The following ZNF585B variants were observed in gnomAD, a reference collection of about 807,000 sequenced individuals.
The protein encoded by ZNF585B is zinc finger protein 41-like protein.
ZNF585B carries 7 observed loss-of-function variants against 14.0 expected under a neutral mutation model. The observed-to-expected ratio is 0.50, with a 90% CI of 0.28 to 0.94. The LOEUF (loss-of-function observed/expected upper bound fraction) is 0.94. Among genes scored for constraint, ZNF585B ranks in the 40% least tolerant of loss-of-function variants. The pLI is 0.09. For synonymous variants in ZNF585B, 290 were observed against 317.3 expected (o/e 0.91, Z 0.91); for missense variants, 750 against 924.4 (o/e 0.81, Z 2.45).
At chr19:37,198,258 G>C (rs907814465) in intron 2 of ZNF585B, among the ~76,000 whole-genome samples, 1 of 151,908 alleles carries the variant, frequency 6.6e-6, no homozygotes, top group African/African-American at 2.4e-5. Context: ...TGCAACCTCC[G>C]CCTCCCGTGT....
rs1351118539 is a variant in ZNF585B at position 37,190,049 on chromosome 19, C to T, written c.174G>A (p.Glu58=). 6.2e-7 allele frequency: 1 copy of T among 1,614,126 alleles called. No homozygotes were observed. Among genetic ancestry groups the T allele is most frequent in the Admixed American group, 1.7e-5 (1 of 60,006 alleles). ...CTACTGAGAGCAGGTGGCTGTAGGT[C>T]TCCAGCATCACATCCCGGTACAGGT... ...QRNLYRDVML[E]TYSHLLSVGY... is the part of the protein sequence containing the mutation. Residue 58 remains glutamate, a synonymous_variant, in exon 3 of 5, where the codon GAG becomes GAA. Transcript: ENST00000532828.
chr19:37,199,442 T>C (rs1156582267), intron 2 of ZNF585B: 3 of 450,470 alleles, frequency 6.7e-6, no homozygotes, highest in Middle Eastern at 3.3e-4. Context: ...GGGGGATCGA[T>C]TGAACCTGGG....
chr19:37,204,597 CAA>C (rs1264333846), intron 2 of ZNF585B, among the ~76,000 whole-genome samples: 1 of 152,196 alleles, frequency 6.6e-6, no homozygotes, highest in African/African-American at 2.4e-5. Context: ...TCTTTTGAGA[CAA>C]AGTCTATCTC....
intron 2 of ZNF585B, among the ~76,000 whole-genome samples, chr19:37,203,698 G>A (rs555923457): frequency 1.5e-4 from 23 of 151,862 alleles, no homozygotes; most frequent in Non-Finnish European, 2.5e-4. Context: ...GTGTAATCTC[G>A]GCTCACCGAA....
At chr19:37,194,970 A>G (rs1313616316) in intron 2 of ZNF585B, among the ~76,000 whole-genome samples, 1 of 152,208 alleles carries the variant, frequency 6.6e-6, no homozygotes, top group Non-Finnish European at 1.5e-5. Context: ...CTTTCTGGAA[A>G]AGCAAAAACT....
Position 37,185,573 on chromosome 19 carries a change from G to C in ZNF585B, c.1964C>G (p.Thr655Ser), listed in dbSNP as rs775170036. The change falls in exon 5 of 5, where the codon ACT (threonine) becomes AGT (serine). Residue 655 changes from threonine to serine, a missense_variant. Physicochemically the swap from Thr to Ser is moderately conservative, Grantham distance 58 (BLOSUM62 1). Coordinates refer to ENST00000532828, the MANE Select transcript of ZNF585B (RefSeq NM_152279.4). ...GRSNLSKHQK[T>S]HTGEKPYICS... ...AATGTAGGGCTTTTCTCCGGTATGA[G>C]TTTTCTGGTGCTTACTGAGATTTGA... 1 of 1,611,222 alleles carries C rather than the reference G, an allele frequency of 6.2e-7. No individual in the cohort carries two copies. Among genetic ancestry groups the C allele is most frequent in the Non-Finnish European group, 8.5e-7 (1 of 1,178,810 alleles).
intron 2 of ZNF585B, chr19:37,198,862 G>T: frequency 2.7e-6 from 2 of 751,510 alleles, no homozygotes; most frequent in Non-Finnish European, 4.1e-6. Context: ...GTATGAGCAT[G>T]CAGATGGAAG....
At position 37,186,117 on chromosome 19, in the gene ZNF585B, C is replaced by A; in HGVS notation, c.1420G>T (p.Ala474Ser). 6.2e-7 allele frequency: 1 copy of A among 1,614,068 alleles called. No homozygotes were observed. The highest frequency in any genetic ancestry group is 8.5e-7 in the Non-Finnish European group (1 of 1,180,016). ...ATGAGATTTGACCGGTTGGTGAATG[C>A]CTTCCCACATTTATTGCATACATAG... ...KPYVCNKCGK[A>S]FTNRSNLITH... Residue 474 changes from alanine (A) to serine (S), a missense_variant, in exon 5 of 5, where the codon GCA (alanine) becomes TCA (serine). Around this residue, in one of 2 missense-constraint regions of ZNF585B, gnomAD observed 517 missense variants for 570.3 expected, o/e 0.91. Transcript: ENST00000532828.
chr19:37,205,362 G>A (rs865951839), intron 2 of ZNF585B, among the ~76,000 whole-genome samples: 6 of 152,180 alleles, frequency 3.9e-5, no homozygotes, highest in Non-Finnish European at 7.3e-5. Context: ...CTAGAACCCT[G>A]AAATGAAATT....
intron 2 of ZNF585B, among the ~76,000 whole-genome samples, chr19:37,203,617 CCTTT>C (rs1411993606): frequency 6.6e-6 from 1 of 151,938 alleles, no homozygotes; most frequent in Non-Finnish European, 1.5e-5. Context: ...TGTGCAAGAG[CCTTT>C]CTGTTTTGTT....
intron 2 of ZNF585B, chr19:37,199,159 A>G: frequency 1.8e-6 from 1 of 547,784 alleles, no homozygotes; most frequent in Non-Finnish European, 3.2e-6. Flanking sequence ...TGTTATCAAG[A>G]ATTTAGTAGG....
intron 2 of ZNF585B, among the ~76,000 whole-genome samples, chr19:37,192,631 T>C (rs1972415321): frequency 6.6e-6 from 1 of 150,786 alleles, no homozygotes; most frequent in South Asian, 2.1e-4. Context: ...GCCAACATGG[T>C]GAAACCCCAT....
chr19:37,190,782 T>A (rs1972392265), intron 2 of ZNF585B, among the ~76,000 whole-genome samples: 1 of 152,080 alleles, frequency 6.6e-6, no homozygotes, highest in African/African-American at 2.4e-5. Context: ...GCCAGAATGG[T>A]CTCTATCTCC....
intron 2 of ZNF585B, among the ~76,000 whole-genome samples, chr19:37,194,796 T>C (rs766879201): frequency 2.6e-5 from 4 of 152,106 alleles, no homozygotes; most frequent in Non-Finnish European, 1.5e-5. Context: ...TCAAGAATCA[T>C]AGAAAAATGA....
In ZNF585B at chr19:37,184,696, T is replaced by A. The variant is rs977192234; in HGVS notation, c.*531A>T. The A allele has an allele frequency of 4.0e-5, 10 of 250,888 alleles. No individual in the cohort carries two copies. The highest frequency in any genetic ancestry group is 2.2e-4 in the African/African-American group (10 of 45,160). 15.5% of individuals were successfully genotyped at this position (250,888 alleles called of 1,614,324 possible). ...ACAGGGAGTTTGTCTTATTGCAGTA[T>A]CTCTTGCTTGATAGAAATACTCAAT... On this transcript the variant is annotated 3_prime_UTR_variant, in exon 5 of 5. Coordinates refer to ENST00000532828, the MANE Select transcript of ZNF585B (RefSeq NM_152279.4).
In ZNF585B at chr19:37,187,063, A is replaced by G. The variant is rs1359678039; in HGVS notation, c.474T>C (p.Tyr158=). Residue 158 remains tyrosine, a synonymous_variant, in exon 5 of 5, where the codon TAT becomes TAC. Transcript: ENST00000532828. ...AAGCCCTCCCACATTCAATACATAC[A>G]TAGAGTTTTTCTCCTGTAGGAACTT... is the stretch of plus-strand genomic sequence containing the variant. ...HLKVPTGEKL[Y]VCIECGRAFV... The G allele has an allele frequency of 6.2e-7, 1 of 1,613,744 alleles. No individual in the cohort carries two copies. The highest frequency in any genetic ancestry group is 1.1e-5 in the South Asian group (1 of 90,936).
chr19:37,185,871 C>T lies in ZNF585B; in HGVS notation c.1666G>A (p.Gly556Arg). 1 of 1,613,580 alleles carries T rather than the reference C, an allele frequency of 6.2e-7. No individual in the cohort carries two copies. Among genetic ancestry groups the T allele is most frequent in the Non-Finnish European group, 8.5e-7 (1 of 1,179,918 alleles). ...GERQYECHEC[G>R]KAFNQKSILI... Reference sequence around the variant, plus strand: ...ATTGATTTCTGGTTGAAGGCTTTCCCACATTCGTGGCATTCATACTGTCTC... The same window carrying T: ...ATTGATTTCTGGTTGAAGGCTTTCCTACATTCGTGGCATTCATACTGTCTC... The change falls in exon 5 of 5, where the codon GGG (glycine) becomes AGG (arginine). Residue 556 changes from glycine (G) to arginine (R), a missense_variant. Gly to Arg is a moderately radical substitution (Grantham distance 125). Coordinates refer to ENST00000532828, the MANE Select transcript of ZNF585B (RefSeq NM_152279.4).
At chr19:37,205,783 T>C (rs2145446512) in intron 2 of ZNF585B, among the ~76,000 whole-genome samples, 1 of 152,174 alleles carries the variant, frequency 6.6e-6, no homozygotes, top group East Asian at 1.9e-4. Flanking sequence ...GGATAAGAAA[T>C]AACAATACAC....
At chr19:37,207,550 G>A (rs1972598452) in intron 1 of ZNF585B, among the ~76,000 whole-genome samples, 2 of 152,122 alleles carry the variant, frequency 1.3e-5, no homozygotes, top group African/African-American at 4.8e-5. Context: ...CTGAAATATG[G>A]GAAAAGCCAT....
Sources: gnomAD v4.1 joint callset for allele counts (sites outside exome capture counted in the v4.1 genomes callset) on GRCh38, gnomAD v4.1.1 for gene constraint, gnomAD v4.1.1 regional missense constraint, MANE v1.5 for transcripts, NCBI Gene and HGNC (gene_info 2026-07-23, HGNC 2026-07-21) for gene names.